Variants in CDH4 observed in about 807,000 individuals in gnomAD.
CDH4 encodes the protein cadherin 4, also known as cadherin-4.
In CDH4, 33 loss-of-function variants were observed where a neutral mutation model predicts 86.0. The ratio of observed to expected loss-of-function variants is 0.38; its 90% CI spans 0.29 to 0.51. The LOEUF (loss-of-function observed/expected upper bound fraction) is 0.51, where lower values mean the gene tolerates loss of function less well. Among genes scored for constraint, CDH4 ranks in the 20% least tolerant of loss-of-function variants. The pLI is 0.86. For synonymous variants in CDH4, 555 were observed against 549.4 expected (o/e 1.01, Z -0.14); for missense variants, 1,114 against 1,307.4 (o/e 0.85, Z 2.28).
chr20:61,500,950 C>A (rs1243786745), intron 2 of CDH4, among the ~76,000 whole-genome samples: 1 of 152,224 alleles, frequency 6.6e-6, no homozygotes, highest in African/African-American at 2.4e-5. Context: ...GCACTCAGCT[C>A]TCTTTGCAGC....
At chr20:61,901,766 G>A (rs568977784) in intron 8 of CDH4, among the ~76,000 whole-genome samples, 3 of 152,212 alleles carry the variant, frequency 2.0e-5, no homozygotes, top group African/African-American at 2.4e-5. Flanking sequence ...TCAATCCCAC[G>A]CTGGCCCATG....
At chr20:61,878,092 C>T (rs1317400198) in intron 7 of CDH4, among the ~76,000 whole-genome samples, 1 of 152,062 alleles carries the variant, frequency 6.6e-6, no homozygotes, top group African/African-American at 2.4e-5. Context: ...AGGAGCTGAG[C>T]TGTAGGCCTG....
chr20:61,804,070 CTTG>C lies in CDH4; in HGVS notation c.576+30895_576+30897del, dbSNP rs370259190. Among the ~76,000 whole-genome samples the C allele has an allele frequency of 1.8e-4, 28 of 152,372 alleles. 1 individual carries two copies. Among genetic ancestry groups the C allele is most frequent in the African/African-American group, 6.7e-4 (28 of 41,592 alleles). On this transcript the variant is annotated intron_variant, in intron 4 of 15. Coordinates refer to ENST00000614565, the MANE Select transcript of CDH4 (RefSeq NM_001794.5). ...GAGAGGCGCCTGCTCTCCACACGAG[CTTG>C]TTGTTGGTAAGGAGGCACGACAGAA...
chr20:61,597,548 A>G (rs887361934), intron 2 of CDH4, among the ~76,000 whole-genome samples: 10 of 152,212 alleles, frequency 6.6e-5, no homozygotes, highest in African/African-American at 2.4e-4. Flanking sequence ...CATCAGGGCG[A>G]ACAGAGGGGC....
chr20:61,324,783 TAA>T (rs2084527977), intron 2 of CDH4, among the ~76,000 whole-genome samples: 1 of 152,196 alleles, frequency 6.6e-6, no homozygotes, highest in South Asian at 2.1e-4. Flanking sequence ...AGAGTTGCCC[TAA>T]GTCATCTTCA....
At chr20:61,839,482 GTGTT>G (rs1260863997) in intron 4 of CDH4, among the ~76,000 whole-genome samples, 2 of 151,672 alleles carry the variant, frequency 1.3e-5, no homozygotes, top group Non-Finnish European at 1.5e-5. Context: ...ATGTGTATGT[GTGTT>G]TGTGTATATG....
At chr20:61,306,783 C>A (rs940129542) in intron 2 of CDH4, among the ~76,000 whole-genome samples, 4 of 152,172 alleles carry the variant, frequency 2.6e-5, no homozygotes, top group African/African-American at 9.6e-5. Flanking sequence ...TCTCCCTGGT[C>A]CTCACACCCT....
rs1002925873 is a variant in CDH4, at chr20:61,938,253, G to A, written c.*1310G>A. On this transcript the variant is annotated 3_prime_UTR_variant, in exon 16 of 16. Transcript: ENST00000614565. ...GGCTGGCACTGCTATCTCCAGGGCT[G>A]GGTTGACTCAAGCCAGACAGGGGGA... The A allele has an allele frequency of 2.6e-5, 4 of 152,360 alleles. No homozygotes were observed. The highest frequency in any genetic ancestry group is 4.4e-5 in the Non-Finnish European group (3 of 68,176). 9.4% of individuals were successfully genotyped at this position (152,360 alleles called of 1,614,324 possible).
chr20:61,299,994 A>G lies in CDH4; in HGVS notation c.169+45057A>G, dbSNP rs574001652. On this transcript the variant is annotated intron_variant, in intron 2 of 15. Coordinates refer to ENST00000614565, the MANE Select transcript of CDH4 (RefSeq NM_001794.5). ...ACCAGGTTTGGGGCTGGATCTCACAAGGGACATTACTGAAAATGGCTCTTT... is the reference window on the plus strand; with the variant it reads ...ACCAGGTTTGGGGCTGGATCTCACAGGGGACATTACTGAAAATGGCTCTTT... 1.2e-4 allele frequency among the ~76,000 whole-genome samples: 18 copies of G among 152,312 alleles called. No homozygotes were observed. In the South Asian group the frequency reaches 3.5e-3, roughly 30 times the overall value.
At chr20:61,830,826 C>T (rs1019940907) in intron 4 of CDH4, among the ~76,000 whole-genome samples, 3 of 152,226 alleles carry the variant, frequency 2.0e-5, no homozygotes, top group East Asian at 1.9e-4. Context: ...CTTGGTCGCA[C>T]GTGCTGAGTC....
chr20:61,638,215 T>C (rs2086969370), intron 2 of CDH4, among the ~76,000 whole-genome samples: 1 of 152,144 alleles, frequency 6.6e-6, no homozygotes, highest in Admixed American at 6.5e-5. Flanking sequence ...ATGGATCGGC[T>C]GCCCCCTTCA....
intron 2 of CDH4, among the ~76,000 whole-genome samples, chr20:61,318,024 C>T (rs993139090): frequency 2.6e-5 from 4 of 152,166 alleles, no homozygotes; most frequent in Non-Finnish European, 5.9e-5. Context: ...GGTTAAGAGA[C>T]CCAGAGAGAC....
At chr20:61,373,681 G>A (rs942137197) in intron 2 of CDH4, among the ~76,000 whole-genome samples, 6 of 152,188 alleles carry the variant, frequency 3.9e-5, no homozygotes, top group Admixed American at 2.6e-4. Context: ...ACCTTGGGCT[G>A]ATTGTGTGGG....
At chr20:61,375,606 A>AGTGTGATGGT (rs2084863214) in intron 2 of CDH4, among the ~76,000 whole-genome samples, 1 of 57,880 alleles carries the variant, frequency 1.7e-5, no homozygotes, top group Non-Finnish European at 3.1e-5. Flanking sequence ...TGGTCATAGC[A>AGTGTGATGGT]CTGGTGGTGA....
chr20:61,537,632 C>G (rs1001498879), intron 2 of CDH4, among the ~76,000 whole-genome samples: 2 of 152,194 alleles, frequency 1.3e-5, no homozygotes, highest in Middle Eastern at 3.2e-3. Context: ...AAGCGGGCTT[C>G]GCGGACAGGC....
chr20:61,738,640 T>C (rs2088294947), intron 2 of CDH4: 1 of 152,342 alleles, frequency 6.6e-6, no homozygotes, highest in African/African-American at 2.4e-5. Context: ...ACACATCAGC[T>C]GCAGAAGGTT....
chr20:61,879,417 CAG>C lies in CDH4; in HGVS notation c.1050+5520_1050+5521del, dbSNP rs1984186077. On this transcript the variant is annotated intron_variant, in intron 7 of 15. Coordinates refer to ENST00000614565, the MANE Select transcript of CDH4 (RefSeq NM_001794.5). This position sits in a 1 kb window ranked among gnomAD's most constrained non-coding sequence, Gnocchi z 4.1. Reference sequence around the variant, plus strand: ...ATCTCCCCTGCCCTTGGGCAACAAGCAGAGTCTTCGGGGGAAGCACCAGAGAT... The same window carrying C: ...ATCTCCCCTGCCCTTGGGCAACAAGCAGTCTTCGGGGGAAGCACCAGAGAT... Among the ~76,000 whole-genome samples, 1 of 152,338 alleles carries C rather than the reference CAG, an allele frequency of 6.6e-6. No homozygotes were observed. The highest frequency in any genetic ancestry group is 1.9e-4 in the East Asian group (1 of 5,176).
intron 2 of CDH4, among the ~76,000 whole-genome samples, chr20:61,313,606 C>G (rs2084459796): frequency 6.6e-6 from 1 of 152,236 alleles, no homozygotes; most frequent in Non-Finnish European, 1.5e-5. Flanking sequence ...TGAGCGCTGT[C>G]TGCCCTGGGA....
chr20:61,270,974 G>T lies in CDH4; in HGVS notation c.169+16037G>T, dbSNP rs140634270. On this transcript the variant is annotated intron_variant, in intron 2 of 15. Transcript: ENST00000614565. ...TTATTGCGGTCGATCTAGCCGCCCTGACACACTTGGACCCTACGGGGCAAT... is the reference window on the plus strand; with the variant it reads ...TTATTGCGGTCGATCTAGCCGCCCTTACACACTTGGACCCTACGGGGCAAT... Among the ~76,000 whole-genome samples, 1,264 of 152,264 alleles carry T rather than the reference G, an allele frequency of 8.3e-3. 13 individuals carry two copies. The highest frequency in any genetic ancestry group is 0.028 in the South Asian group (135 of 4,822).
Sources: allele counts gnomAD v4.1 joint callset (sites outside exome capture counted in the v4.1 genomes callset), GRCh38; gene constraint gnomAD v4.1.1; non-coding constraint Gnocchi (gnomAD v3.1); transcripts MANE v1.5; gene names NCBI Gene and HGNC (gene_info 2026-07-23, HGNC 2026-07-21).